PTPRD: variants seen among roughly 807,000 people sequenced by gnomAD.
PTPRD encodes receptor-type tyrosine-protein phosphatase delta.
Under a neutral mutation model 214.5 loss-of-function variants are expected in PTPRD, and 34 were observed. The observed-to-expected ratio is 0.16, with a 90% CI of 0.12 to 0.21. PTPRD has a LOEUF of 0.21. PTPRD is among the 10% of genes least tolerant of loss of function. PTPRD has a pLI of 1.00. For synonymous variants in PTPRD, 1,128 were observed against 845.7 expected (o/e 1.33, Z -5.79); for missense variants, 2,545 against 2,398.7 (o/e 1.06, Z -1.27).
intron 5 of PTPRD, among the ~76,000 whole-genome samples, chr9:9,807,044 C>T (rs753845565): frequency 5.9e-5 from 9 of 152,152 alleles, no homozygotes; most frequent in Non-Finnish European, 1.0e-4. Flanking sequence ...ATACTCGGAT[C>T]TCTCAAGTCA....
At chr9:10,036,862 C>T (rs897238561) in intron 3 of PTPRD, among the ~76,000 whole-genome samples, 1 of 141,304 alleles carries the variant, frequency 7.1e-6, no homozygotes, top group Non-Finnish European at 1.5e-5. Context: ...GATTACAGGC[C>T]TGAGCCAAAT....
Position 10,019,996 on chromosome 9 carries a change from C to T in PTPRD, c.-472+13722G>A, listed in dbSNP as rs144779906. ...TCATATACAGGTTAATGTATATAAA[C>T]GGTTTATTACAATGTTTGGCACAAT... On this transcript the variant is annotated intron_variant, in intron 4 of 45. Transcript: ENST00000381196. Among the ~76,000 whole-genome samples the T allele has an allele frequency of 5.4e-3, 826 of 152,088 alleles. 7 individuals are homozygous for T. The highest frequency in any genetic ancestry group is 6.3e-3 in the Non-Finnish European group (425 of 67,968).
At chr9:10,191,936 C>T (rs768025457) in intron 3 of PTPRD, among the ~76,000 whole-genome samples, 35 of 152,118 alleles carry the variant, frequency 2.3e-4, no homozygotes, top group Non-Finnish European at 4.3e-4. Flanking sequence ...ACTCACTGAA[C>T]GGTGTGTCTG....
intron 7 of PTPRD, among the ~76,000 whole-genome samples, chr9:9,582,562 A>C (rs2091064954): frequency 1.3e-5 from 2 of 152,144 alleles, no homozygotes; most frequent in African/African-American, 4.8e-5. Context: ...AGTTTATCAG[A>C]GAATAAAACG....
At chr9:8,461,823 T>A (rs539291926) in intron 32 of PTPRD, among the ~76,000 whole-genome samples, 57 of 148,152 alleles carry the variant, frequency 3.8e-4, no homozygotes, top group Non-Finnish European at 5.8e-4. Flanking sequence ...TTTAAAAAAA[T>A]TTTTTTTATA....
intron 14 of PTPRD, among the ~76,000 whole-genome samples, chr9:8,586,883 C>T (rs1672996837): frequency 6.6e-6 from 1 of 152,190 alleles, no homozygotes; most frequent in Non-Finnish European, 1.5e-5. Flanking sequence ...CGCCGTGGCT[C>T]AGGCCTGTAA....
intron 6 of PTPRD, among the ~76,000 whole-genome samples, chr9:9,751,222 G>A (rs1382623631): frequency 6.6e-6 from 1 of 151,968 alleles, no homozygotes; most frequent in African/African-American, 2.4e-5. Flanking sequence ...GACTTCCTAG[G>A]ATTACTATAA....
intron 42 of PTPRD, 32 bp downstream of exon 42, chr9:8,340,311 T>C (rs766391009): frequency 6.4e-7 from 1 of 1,567,716 alleles, no homozygotes; most frequent in South Asian, 1.2e-5. Flanking sequence ...GTAAATGTCT[T>C]ATGAGGAGAC....
chr9:10,284,608 G>C (rs78964994), intron 3 of PTPRD, among the ~76,000 whole-genome samples: 1 of 152,236 alleles, frequency 6.6e-6, no homozygotes, highest in African/African-American at 2.4e-5. Flanking sequence ...CAGAAATATA[G>C]GCATGGCTTA....
intron 3 of PTPRD, among the ~76,000 whole-genome samples, chr9:10,307,673 G>A (rs904825949): frequency 1.3e-5 from 2 of 151,952 alleles, no homozygotes; most frequent in African/African-American, 4.8e-5. Flanking sequence ...CTCACCAACA[G>A]TGTATAACAG....
At chr9:9,287,678 T>A (rs961325406) in intron 9 of PTPRD, among the ~76,000 whole-genome samples, 10 of 151,956 alleles carry the variant, frequency 6.6e-5, no homozygotes, top group Non-Finnish European at 1.5e-4. Context: ...AACAGATTTA[T>A]ATTTAAAAAG....
intron 12 of PTPRD, among the ~76,000 whole-genome samples, chr9:8,661,911 GATCT>G (rs2097063341): frequency 6.6e-6 from 1 of 152,120 alleles, no homozygotes; most frequent in Non-Finnish European, 1.5e-5. Context: ...CTACAACACG[GATCT>G]ATTTATTTAT....
chr9:9,898,432 A>G (rs2075586995), intron 5 of PTPRD, among the ~76,000 whole-genome samples: 1 of 152,028 alleles, frequency 6.6e-6, no homozygotes, highest in South Asian at 2.1e-4. Context: ...TTCCACTGAA[A>G]TGAGTTTTTT....
intron 36 of PTPRD, among the ~76,000 whole-genome samples, chr9:8,395,358 T>G (rs978698264): frequency 6.6e-6 from 1 of 152,056 alleles, no homozygotes; most frequent in African/African-American, 2.4e-5. Context: ...CTTTGCAGTC[T>G]CCAGAAAAAC....
intron 3 of PTPRD, among the ~76,000 whole-genome samples, chr9:10,231,577 C>T (rs1301613998): frequency 6.6e-6 from 1 of 151,758 alleles, no homozygotes; most frequent in East Asian, 2.0e-4. Context: ...GGTGCACATA[C>T]ACATGCATGC....
At chr9:9,762,136 C>G (rs773372589) in intron 6 of PTPRD, among the ~76,000 whole-genome samples, 2 of 152,178 alleles carry the variant, frequency 1.3e-5, no homozygotes, top group African/African-American at 4.8e-5. Flanking sequence ...AGGCTCTGAA[C>G]AGAGGTTGTC....
intron 5 of PTPRD, among the ~76,000 whole-genome samples, chr9:9,882,494 A>C (rs910711357): frequency 6.6e-6 from 1 of 152,134 alleles, no homozygotes; most frequent in Non-Finnish European, 1.5e-5. Flanking sequence ...TTTTTATTTT[A>C]TAAAAGGGCT....
At chr9:8,980,763 A>G (rs1271593179) in intron 11 of PTPRD, among the ~76,000 whole-genome samples, 2 of 152,120 alleles carry the variant, frequency 1.3e-5, no homozygotes, top group African/African-American at 4.8e-5. Context: ...ACTTTCCAAA[A>G]GTGAATTCTG....
intron 2 of PTPRD, among the ~76,000 whole-genome samples, chr9:10,534,966 T>G (rs2057387367): frequency 6.6e-6 from 1 of 152,180 alleles, no homozygotes; most frequent in Admixed American, 6.6e-5. Flanking sequence ...CTTCAGTTTA[T>G]GTAGGCAGTC....
Sources: allele counts gnomAD v4.1 joint callset (sites outside exome capture counted in the v4.1 genomes callset), GRCh38; gene constraint gnomAD v4.1.1; transcripts MANE v1.5; gene names NCBI Gene and HGNC (gene_info 2026-07-23, HGNC 2026-07-21).